The following HMCN2 variants were observed in gnomAD, a reference collection of about 807,000 sequenced individuals.
HMCN2 encodes hemicentin 2.
HMCN2 carries 325 observed loss-of-function variants against 377.5 expected under a neutral mutation model. That is an observed-to-expected ratio of 0.86 (90% CI 0.79 to 0.94). The LOEUF (loss-of-function observed/expected upper bound fraction) is 0.94, where lower values mean the gene tolerates loss of function less well. Among genes scored for constraint, HMCN2 ranks in the 40% least tolerant of loss-of-function variants. The pLI is 0.00. For synonymous variants in HMCN2, 2,007 were observed against 2,046.8 expected, an observed-to-expected ratio of 0.98 and a Z score of 0.53; for missense variants, 4,543 against 4,725.3, an observed-to-expected ratio of 0.96 and a Z score of 1.13.
intron 54 of HMCN2, among the ~76,000 whole-genome samples, chr9:130,380,121 C>T (rs1204743654): frequency 1.3e-5 from 2 of 152,214 alleles, no homozygotes; most frequent in Non-Finnish European, 2.9e-5. Context: ...GGTGATCCAC[C>T]GTCTCGGATC....
At chr9:130,302,166 G>A (rs1269645242) in intron 8 of HMCN2, among the ~76,000 whole-genome samples, 1 of 151,868 alleles carries the variant, frequency 6.6e-6, no homozygotes, top group Non-Finnish European at 1.5e-5. Context: ...TCCTGCCTCA[G>A]CCTCCTGAGT....
chr9:130,337,354 C>T (rs1455663572), intron 22 of HMCN2, among the ~76,000 whole-genome samples: 1 of 152,144 alleles, frequency 6.6e-6, no homozygotes, highest in African/African-American at 2.4e-5. Flanking sequence ...CGACTGCAGT[C>T]AGAGTCAGGC....
chr9:130,269,484 T>G lies in HMCN2; in HGVS notation c.259+3347T>G, dbSNP rs1469176600. On this transcript the variant is annotated intron_variant, in intron 1 of 97. Coordinates refer to ENST00000683500, the MANE Select transcript of HMCN2 (RefSeq NM_001291815.2). ...CCGAGTGGGGGGACGACTCTTCAGGTTGTTTTCCAGAATGTTTCAGGAGAT... is the reference window on the plus strand; with the variant it reads ...CCGAGTGGGGGGACGACTCTTCAGGGTGTTTTCCAGAATGTTTCAGGAGAT... 2.0e-5 allele frequency among the ~76,000 whole-genome samples: 3 copies of G among 147,994 alleles called. No homozygotes were observed. In the Admixed American group the frequency reaches 2.0e-4, roughly 10 times the overall value.
chr9:130,369,606 C>A lies in HMCN2; in HGVS notation c.6824C>A (p.Thr2275Lys). Residue 2275 changes from threonine (T) to lysine (K), a missense_variant, in exon 45 of 98, where the codon ACA becomes AAA. This residue lies in a region of HMCN2 where 1,032 missense variants were observed against 1,285.1 expected (regional missense o/e 0.80). Transcript: ENST00000683500. The surrounding 1 kb of genome is among the most constrained non-coding windows in gnomAD (Gnocchi z 4.5). ...ATTGCCGGTCCCCGGGAGCCTCCCACACAAGTCTCTGTGGTCCAGGATGGA... is the reference window on the plus strand; with the variant it reads ...ATTGCCGGTCCCCGGGAGCCTCCCAAACAAGTCTCTGTGGTCCAGGATGGA... ...PQIAGPREPPTQVSVVQDGVA... is the reference protein window; with the variant it reads ...PQIAGPREPPKQVSVVQDGVA... 2.0e-6 allele frequency: 2 copies of A among 985,900 alleles called. No individual in the cohort carries two copies. The highest frequency in any genetic ancestry group is 2.4e-6 in the Non-Finnish European group (2 of 829,980). 61.1% of individuals were successfully genotyped at this position (985,900 alleles called of 1,614,324 possible).
At position 130,408,766 on chromosome 9, in the gene HMCN2, GC is replaced by G. The variant is rs1564866974; in HGVS notation, c.12713del (p.Ala4238ValfsTer9). 6.2e-6 allele frequency: 8 copies of G among 1,289,192 alleles called. No homozygotes were observed. The highest frequency in any genetic ancestry group is 8.1e-6 in the Non-Finnish European group (8 of 988,564). 79.9% of individuals were successfully genotyped at this position (1,289,192 alleles called of 1,614,324 possible). A position where few individuals can be genotyped will look rare whatever the true frequency, so the allele number is the denominator to read the frequency against. ...VKEAPVLQGE[A>X]FSYLVEPVGG... ...AGAGGCTCCTGTCCTACAAGGGGAG[GC>G]TTTCTCCTACCTGGTGGAACCTGTA... is the stretch of plus-strand genomic sequence containing the variant. On this transcript the variant is annotated frameshift_variant, in exon 84 of 98. Transcript: ENST00000683500. LOFTEE classifies it high-confidence loss of function.
chr9:130,342,012 A>AAAATAAATAAATAAAT (rs1221408865), intron 24 of HMCN2, among the ~76,000 whole-genome samples: 400 of 130,720 alleles, frequency 3.1e-3, no homozygotes, highest in East Asian at 8.9e-3. Context: ...CCCATCTCTT[A>AAAATAAATAAATAAAT]AAATAAATAA....
intron 73 of HMCN2, 111 bp downstream of exon 73, chr9:130,396,424 C>A (rs778594891): frequency 2.3e-6 from 2 of 887,416 alleles, no homozygotes; most frequent in Non-Finnish European, 3.0e-6. Context: ...ATCATCAGGA[C>A]GTGGGGTGTC....
intron 52 of HMCN2, 67 bp from the exon 53 acceptor site, chr9:130,377,582 T>C (rs7020021): frequency 0.68 from 600,419 of 882,622 alleles, 208,940 homozygotes; most frequent in East Asian, 0.87. Flanking sequence ...TTAAGCACAT[T>C]TGTCTTGCTG....
intron 1 of HMCN2, among the ~76,000 whole-genome samples, chr9:130,280,323 C>T (rs1344950128): frequency 1.8e-4 from 16 of 86,682 alleles, no homozygotes; most frequent in African/African-American, 5.1e-4. Flanking sequence ...CCACCATGCC[C>T]GGCTAATTTT....
chr9:130,418,662 T>C, intron 85 of HMCN2, 110 bp from the exon 86 acceptor site: 7 of 977,944 alleles, frequency 7.2e-6, no homozygotes, highest in Non-Finnish European at 9.8e-6. Context: ...GCAGTTCTTA[T>C]TTTCTTCTTT....
rs1354112623 is a variant in HMCN2, at chr9:130,369,483, G to C, written c.6788-87G>C. On this transcript the variant is annotated intron_variant, in intron 44 of 97. Coordinates refer to ENST00000683500, the MANE Select transcript of HMCN2 (RefSeq NM_001291815.2). This position sits in a 1 kb window ranked among gnomAD's most constrained non-coding sequence, Gnocchi z 4.5. ...CAGCCAGCGATGGCAAGGGGAGAGG[G>C]TGTGTCCCTATTGGGCCCGGGGTAA... 8.1e-6 allele frequency: 6 copies of C among 744,124 alleles called. No individual in the cohort carries two copies. Among genetic ancestry groups the C allele is most frequent in the Non-Finnish European group, 9.8e-6 (6 of 609,480 alleles). The allele number at this position is 744,124 out of a possible 1,614,324, so 46.1% of individuals were successfully genotyped here. A position where few individuals can be genotyped will look rare whatever the true frequency, so the allele number is the denominator to read the frequency against.
rs879646254 is a variant in HMCN2 at position 130,431,457 on chromosome 9, G to A, written c.14738G>A (p.Arg4913His). ...CAGTGCCTGTGCCCCGCCGGCTACC[G>A]TCTGCTCCCCAGCGGGAAGAACTGC... is the stretch of plus-strand genomic sequence containing the variant. ...SYQCLCPAGY[R>H]LLPSGKNCQD... Residue 4913 changes from arginine (R) to histidine (H), a missense_variant, in exon 96 of 98, where the codon CGT becomes CAT. Arg to His is a conservative substitution (Grantham distance 29, BLOSUM62 0). This residue lies in a region of HMCN2 where 1,155 missense variants were observed against 1,157.7 expected (regional missense o/e 1.00). Transcript: ENST00000683500. 28 of 1,549,828 alleles carry A rather than the reference G, an allele frequency of 1.8e-5. No individual in the cohort carries two copies. Among genetic ancestry groups the A allele is most frequent in the South Asian group, 8.3e-5 (7 of 84,060 alleles).
rs772991509 is a variant in HMCN2 at position 130,365,950 on chromosome 9, G to A, written c.6580G>A (p.Glu2194Lys). ...GGGGCACCCTACCAGGCTGTCCTGC[G>A]AATGCCGGGGTGTCCCCTTCCCCAA... The part of the protein sequence containing the change: ...REGHPTRLSC[E>K]CRGVPFPKIS... Residue 2194 changes from glutamate to lysine, a missense_variant, in exon 43 of 98, where the codon GAA becomes AAA. Around this residue, in one of 5 missense-constraint regions of HMCN2, gnomAD observed 1,032 missense variants for 1,285.1 expected, o/e 0.80. Coordinates refer to ENST00000683500, the MANE Select transcript of HMCN2 (RefSeq NM_001291815.2). The A allele has an allele frequency of 6.1e-6, 6 of 985,752 alleles. No individual in the cohort carries two copies. Among genetic ancestry groups the A allele is most frequent in the Non-Finnish European group, 6.0e-6 (5 of 829,934 alleles). 61.1% of individuals were successfully genotyped at this position (985,752 alleles called of 1,614,324 possible).
chr9:130,430,747 T>C, intron 95 of HMCN2, 143 bp downstream of exon 95: 1 of 736,818 alleles, frequency 1.4e-6, no homozygotes, highest in Non-Finnish European at 2.2e-6. Context: ...GGATGGTGGC[T>C]TCTCCAATGC....
chr9:130,267,016 G>C (rs1834142289), intron 1 of HMCN2, among the ~76,000 whole-genome samples: 1 of 152,000 alleles, frequency 6.6e-6, no homozygotes, highest in Admixed American at 6.6e-5. Context: ...CGTGATCACA[G>C]CTCGCTGCAG....
intron 47 of HMCN2, 127 bp from the exon 48 acceptor site, chr9:130,372,911 G>A (rs1304398235): frequency 6.3e-6 from 1 of 159,956 alleles, no homozygotes; most frequent in Non-Finnish European, 1.3e-5. Flanking sequence ...AAACAGGCAT[G>A]GGATGGGGAA....
Position 130,368,424 on chromosome 9 carries a change from G to A in HMCN2, c.6774G>A (p.Gln2258=), listed in dbSNP as rs1840815942. The change falls in exon 44 of 98, where the codon CAG becomes CAA. Residue 2258 remains glutamine, a synonymous_variant. Transcript: ENST00000683500. Reference sequence around the variant, plus strand: ...TGGGGAACAGCAGCCAGGACCTGCAGCTGGAGGTGCACGGTGGGTGAGCTG... The same window carrying A: ...TGGGGAACAGCAGCCAGGACCTGCAACTGGAGGTGCACGGTGGGTGAGCTG... ...NVVGNSSQDL[Q]LEVHVPPQIA... 1.0e-6 allele frequency: 1 copy of A among 986,258 alleles called. No homozygotes were observed. The highest frequency in any genetic ancestry group is 1.7e-5 in the African/African-American group (1 of 57,346). The allele number at this position is 986,258 out of a possible 1,614,324, so 61.1% of individuals were successfully genotyped here.
In HMCN2 at chr9:130,308,479, G is replaced by A. The variant is rs536431732; in HGVS notation, c.2200+913G>A. Among the ~76,000 whole-genome samples, 250 of 152,256 alleles carry A rather than the reference G, an allele frequency of 1.6e-3. 1 individual carries two copies. Among genetic ancestry groups the A allele is most frequent in the Non-Finnish European group, 2.8e-3 (192 of 68,022 alleles). ...CACTAGGTCTTTCTGGGAGCAGTAC[G>A]CTGGGCTCCCTCTCGAGGGTCAACC... On this transcript the variant is annotated intron_variant, in intron 14 of 97. Coordinates refer to ENST00000683500, the MANE Select transcript of HMCN2 (RefSeq NM_001291815.2). This position sits in a 1 kb window ranked among gnomAD's most constrained non-coding sequence, Gnocchi z 4.1.
intron 4 of HMCN2, among the ~76,000 whole-genome samples, chr9:130,287,975 C>T (rs543992158): frequency 1.3e-5 from 2 of 152,162 alleles, no homozygotes; most frequent in South Asian, 2.1e-4. Flanking sequence ...TGACAGATGG[C>T]GTTTATGGTT....
Sources: allele counts gnomAD v4.1 joint callset (sites outside exome capture counted in the v4.1 genomes callset), GRCh38; gene constraint gnomAD v4.1.1; regional missense constraint gnomAD v4.1.1; non-coding constraint Gnocchi (gnomAD v3.1); transcripts MANE v1.5; gene names NCBI Gene and HGNC (gene_info 2026-07-23, HGNC 2026-07-21).